FNBP4: variants seen among roughly 807,000 people sequenced by gnomAD.
FNBP4 encodes formin binding protein 4.
Under a neutral mutation model 119.3 loss-of-function variants are expected in FNBP4, and 34 were observed. The observed-to-expected ratio is 0.28, with a 90% CI of 0.22 to 0.38. The LOEUF is 0.38. Ranked by LOEUF, FNBP4 falls within the 10% of genes least tolerant of loss-of-function variation. The pLI is 1.00. For missense variants in FNBP4, 1,112 were observed against 1,228.9 expected (o/e 0.90, Z 1.42); for synonymous variants, 462 against 430.6 (o/e 1.07, Z -0.90).
rs541035355 is a variant in FNBP4, at chr11:47,743,867, T to C, written c.1456+86A>G. 1.5e-3 allele frequency: 1,801 copies of C among 1,207,612 alleles called. 1 individual carries two copies. The highest frequency in any genetic ancestry group is 1.5e-3 in the Non-Finnish European group (1,277 of 836,490). The allele number at this position is 1,207,612 out of a possible 1,614,324, so 74.8% of individuals were successfully genotyped here. A position where few individuals can be genotyped will look rare whatever the true frequency, so the allele number is the denominator to read the frequency against. On this transcript the variant is annotated intron_variant, in intron 8 of 16. Transcript: ENST00000263773. ...AAGAGTAAAAGTACAATCTCCTGTT[T>C]TGTTGAAGAGGAAACAAAAAAAGAC...
Position 47,732,141 on chromosome 11 carries a change from GTTC to G in FNBP4, c.1820+393_1820+395del. Reference sequence around the variant, plus strand: ...CCTGCTGGCAGAGGATAGTAATCTTGTTCTTCATTCACATCTTCAGCCACGAAG... The same window carrying G: ...CCTGCTGGCAGAGGATAGTAATCTTGTTCATTCACATCTTCAGCCACGAAG... On this transcript the variant is annotated intron_variant, in intron 11 of 16. Transcript: ENST00000263773. This position sits in a 1 kb window ranked among gnomAD's most constrained non-coding sequence, Gnocchi z 4.2. The G allele has an allele frequency of 9.9e-7, 1 of 1,007,892 alleles. No individual in the cohort carries two copies. Among genetic ancestry groups the G allele is most frequent in the Non-Finnish European group, 1.2e-6 (1 of 844,734 alleles). 62.4% of individuals were successfully genotyped at this position (1,007,892 alleles called of 1,614,324 possible). A position where few individuals can be genotyped will look rare whatever the true frequency, so the allele number is the denominator to read the frequency against.
chr11:47,764,522 T>C lies in FNBP4; in HGVS notation c.313+748A>G, dbSNP rs2097642653. ...TTCTAACCCACACTGGGGTGTTTTG[T>C]TTGTTTTTTTTTTTTTAGGTGGCAA... is the stretch of plus-strand genomic sequence containing the variant. On this transcript the variant is annotated intron_variant, in intron 2 of 16. Transcript: ENST00000263773. Among the ~76,000 whole-genome samples the C allele has an allele frequency of 2.0e-5, 3 of 151,652 alleles. 1 individual carries two copies. The highest frequency in any genetic ancestry group is 2.0e-4 in the Admixed American group (3 of 15,212).
chr11:47,720,029 G>A lies in FNBP4; in HGVS notation c.2863C>T (p.Arg955Cys), dbSNP rs763833197. The A allele has an allele frequency of 2.5e-6, 4 of 1,613,882 alleles. No homozygotes were observed. In the South Asian group the frequency reaches 3.3e-5, roughly 13 times the overall value. ...GAATTGTCCTCTTCATCTAACTCAC[G>A]CTGGATACTCTGCCACTTTTTTACC... ...SLVKKWQSIQ[R>C]ELDEEDNSSS... Residue 955 changes from arginine to cysteine, a missense_variant, in exon 16 of 17, where the codon CGT (arginine) becomes TGT (cysteine). Around this residue, in one of 2 missense-constraint regions of FNBP4, gnomAD observed 826 missense variants for 988.8 expected, o/e 0.84. Coordinates refer to ENST00000263773, the MANE Select transcript of FNBP4 (RefSeq NM_015308.5).
intron 2 of FNBP4, among the ~76,000 whole-genome samples, chr11:47,762,156 G>A (rs563397634): frequency 7.1e-6 from 1 of 140,104 alleles, no homozygotes; most frequent in East Asian, 2.1e-4. Context: ...TTTTTGAGAT[G>A]GAGTCTTACT....
intron 15 of FNBP4, among the ~76,000 whole-genome samples, chr11:47,721,092 C>T (rs925196613): frequency 6.0e-5 from 9 of 151,208 alleles, no homozygotes; most frequent in South Asian, 2.1e-4. Flanking sequence ...GAGGCCGAGG[C>T]GGGAGGATCA....
At chr11:47,746,491 A>G in intron 6 of FNBP4, 97 bp from the exon 7 acceptor site, 1 of 1,106,606 alleles carries the variant, frequency 9.0e-7, no homozygotes, top group South Asian at 1.6e-5. Flanking sequence ...AACTGTTTTC[A>G]GTAGCTGAAT....
intron 12 of FNBP4, chr11:47,730,084 G>C (rs1227927989): frequency 3.0e-6 from 3 of 985,282 alleles, no homozygotes; most frequent in Admixed American, 6.2e-5. Flanking sequence ...TTCAGAATTG[G>C]TAACAGTGGA....
At chr11:47,731,188 A>T in intron 12 of FNBP4, 186 bp downstream of exon 12, 1 of 509,780 alleles carries the variant, frequency 2.0e-6, no homozygotes. Flanking sequence ...ACAGTTTTAC[A>T]CGTGATAACA....
chr11:47,767,234 G>T lies in FNBP4; in HGVS notation c.55C>A (p.Pro19Thr), dbSNP rs1197027693. 6.4e-7 allele frequency: 1 copy of T among 1,570,654 alleles called. No individual in the cohort carries two copies. Reference protein sequence around the residue: ...PGRRPILQLSPPGPRGSTPGR... With the variant: ...PGRRPILQLSTPGPRGSTPGR... Reference sequence around the variant, plus strand: ...GGCGTGCTGCCCCGAGGACCCGGCGGAGAGAGTTGCAGGATGGGCCTACGG... The same window carrying T: ...GGCGTGCTGCCCCGAGGACCCGGCGTAGAGAGTTGCAGGATGGGCCTACGG... Residue 19 changes from proline (P) to threonine (T), a missense_variant, in exon 1 of 17, where the codon CCG becomes ACG. Around this residue, in one of 2 missense-constraint regions of FNBP4, gnomAD observed 286 missense variants for 240.1 expected, o/e 1.19. Coordinates refer to ENST00000263773, the MANE Select transcript of FNBP4 (RefSeq NM_015308.5).
intron 2 of FNBP4, among the ~76,000 whole-genome samples, chr11:47,759,893 C>CA (rs1220300334): frequency 6.6e-6 from 1 of 152,178 alleles, no homozygotes; most frequent in African/African-American, 2.4e-5. Flanking sequence ...GAGGTGGTTA[C>CA]AGTGAGCCGA....
chr11:47,742,396 T>C (rs996847260), intron 8 of FNBP4, among the ~76,000 whole-genome samples: 2 of 136,630 alleles, frequency 1.5e-5, no homozygotes, highest in Non-Finnish European at 3.1e-5. Flanking sequence ...GAGAATTGCT[T>C]GACCCCGGGA....
intron 1 of FNBP4, among the ~76,000 whole-genome samples, chr11:47,765,851 C>T (rs1458406280): frequency 9.9e-4 from 81 of 82,162 alleles, no homozygotes; most frequent in Admixed American, 1.5e-3. Flanking sequence ...GAGCTGGAAT[C>T]TTTTTTTTTT....
At chr11:47,718,622 C>G (rs750731874) in intron 16 of FNBP4, among the ~76,000 whole-genome samples, 1 of 152,148 alleles carries the variant, frequency 6.6e-6, no homozygotes, top group East Asian at 1.9e-4. Flanking sequence ...TTAATAAAAA[C>G]TAAGCTAGAA....
At chr11:47,752,769 G>A (rs1175845219) in intron 4 of FNBP4, 147 bp downstream of exon 4, 4 of 666,184 alleles carry the variant, frequency 6.0e-6, no homozygotes, top group East Asian at 5.7e-5. Flanking sequence ...AGCCAAGATC[G>A]CGCCAGTGCA....
intron 2 of FNBP4, among the ~76,000 whole-genome samples, chr11:47,761,669 G>T (rs2097634905): frequency 1.3e-5 from 2 of 151,836 alleles, no homozygotes; most frequent in South Asian, 4.2e-4. Flanking sequence ...TATAATCCTA[G>T]CATTTTGGGA....
At position 47,717,114 on chromosome 11, in the gene FNBP4, A is replaced by G. The variant is rs1243228778; in HGVS notation, c.*308T>C. ...TCACTTTTGTCAGGGAGTCCTCTAC[A>G]GAAGTGTTATACTCATGAGCCACAT... On this transcript the variant is annotated 3_prime_UTR_variant, in exon 17 of 17. Transcript: ENST00000263773. 5 of 212,924 alleles carry G rather than the reference A, an allele frequency of 2.3e-5. No homozygotes were observed. The highest frequency in any genetic ancestry group is 9.2e-5 in the African/African-American group (4 of 43,446). The allele number at this position is 212,924 out of a possible 1,614,324, so 13.2% of individuals were successfully genotyped here. A position where few individuals can be genotyped will look rare whatever the true frequency, so the allele number is the denominator to read the frequency against.
In FNBP4 at chr11:47,743,992, T is replaced by A; in HGVS notation, c.1417A>T (p.Ser473Cys). The A allele has an allele frequency of 6.2e-7, 1 of 1,614,246 alleles. No individual in the cohort carries two copies. Among genetic ancestry groups the A allele is most frequent in the Non-Finnish European group, 8.5e-7 (1 of 1,180,042 alleles). The change falls in exon 8 of 17, where the codon AGT (serine) becomes TGT (cysteine). Residue 473 changes from serine to cysteine, a missense_variant. Transcript: ENST00000263773. ...TCTGGAGTATCTCGTCCAGTTTTACTAGAACTCCTACTGGTAGATTCTGGA... is the reference window on the plus strand; with the variant it reads ...TCTGGAGTATCTCGTCCAGTTTTACAAGAACTCCTACTGGTAGATTCTGGA... ...TSPESTSRSS[S>C]KTGRDTPENG...
chr11:47,766,933 C>T, intron 1 of FNBP4, 136 bp downstream of exon 1: 1 of 1,361,962 alleles, frequency 7.3e-7, no homozygotes, highest in Non-Finnish European at 9.4e-7. Flanking sequence ...CCAGGGCCGC[C>T]CCGCCTGCAG....
chr11:47,720,750 T>C lies in FNBP4; in HGVS notation c.2806-664A>G, dbSNP rs542222188. Among the ~76,000 whole-genome samples, 7 of 149,028 alleles carry C rather than the reference T, an allele frequency of 4.7e-5. No homozygotes were observed. In the South Asian group the frequency reaches 1.5e-3, roughly 31 times the overall value. On this transcript the variant is annotated intron_variant, in intron 15 of 16. Coordinates refer to ENST00000263773, the MANE Select transcript of FNBP4 (RefSeq NM_015308.5). ...TTTCAAATTTTAAATAGATGCAGTG[T>C]TCCTCCCAAGTGATTTAAAAAAAAA...
Sources: allele counts gnomAD v4.1 joint callset (sites outside exome capture counted in the v4.1 genomes callset), GRCh38; gene constraint gnomAD v4.1.1; regional missense constraint gnomAD v4.1.1; non-coding constraint Gnocchi (gnomAD v3.1); transcripts MANE v1.5; gene names NCBI Gene and HGNC (gene_info 2026-07-23, HGNC 2026-07-21).